Variants in CYP7B1 observed in about 807,000 individuals in gnomAD.
CYP7B1 encodes the protein cytochrome P450 family 7 subfamily B member 1, also known as cytochrome P450 7B1.
In CYP7B1, 29 loss-of-function variants were observed where a neutral mutation model predicts 42.7. The observed-to-expected ratio is 0.68, with a 90% confidence interval of 0.51 to 0.93. The LOEUF is 0.93. Ranked by LOEUF, CYP7B1 falls within the 40% of genes least tolerant of loss-of-function variation. The pLI is 0.00. For missense variants in CYP7B1, 655 were observed against 600.5 expected, an observed-to-expected ratio of 1.09 and a Z score of -0.95; for synonymous variants, 235 against 218.2, an observed-to-expected ratio of 1.08 and a Z score of -0.68.
intron 1 of CYP7B1, among the ~76,000 whole-genome samples, chr8:64,784,426 T>G (rs972250707): frequency 2.0e-5 from 3 of 152,168 alleles, no homozygotes; most frequent in African/African-American, 7.2e-5. Flanking sequence ...ATTTAATATT[T>G]ATAGTGAACT....
intron 5 of CYP7B1, among the ~76,000 whole-genome samples, chr8:64,600,514 A>T (rs1052743838): frequency 2.0e-5 from 3 of 152,080 alleles, no homozygotes; most frequent in Admixed American, 1.3e-4. Flanking sequence ...TAATAAAAAA[A>T]GTCAGTGTTT....
chr8:64,665,616 G>A (rs1287393199), intron 1 of CYP7B1, among the ~76,000 whole-genome samples: 2 of 108,740 alleles, frequency 1.8e-5, no homozygotes, highest in Non-Finnish European at 3.5e-5. Flanking sequence ...CACTCTTGTT[G>A]CCCAGGCTGG....
At position 64,649,858 on chromosome 8, in the gene CYP7B1, C is replaced by A. The variant is rs187199921; in HGVS notation, c.123-25319G>T. On this transcript the variant is annotated intron_variant, in intron 1 of 5. Coordinates refer to ENST00000310193, the MANE Select transcript of CYP7B1 (RefSeq NM_004820.5). ...TGTTTATTGGTCATTTGTATTTATT[C>A]TTTGGAGATATGTATATTCAAAGTT... Among the ~76,000 whole-genome samples, 173 of 152,186 alleles carry A rather than the reference C, an allele frequency of 1.1e-3. 1 individual carries two copies. Among genetic ancestry groups the A allele is most frequent in the Admixed American group, 2.9e-3 (44 of 15,286 alleles).
chr8:64,706,273 T>C (rs1201963451), intron 1 of CYP7B1, among the ~76,000 whole-genome samples: 1 of 152,010 alleles, frequency 6.6e-6, no homozygotes, highest in African/African-American at 2.4e-5. Flanking sequence ...ATGGTAAAAC[T>C]GACTACTAAG....
rs187991332 is a variant in CYP7B1 at position 64,593,889 on chromosome 8, A to G, written c.*2753T>C. On this transcript the variant is annotated 3_prime_UTR_variant, in exon 6 of 6. Coordinates refer to ENST00000310193, the MANE Select transcript of CYP7B1 (RefSeq NM_004820.5). ...AAAATAAGCAGCATATATGAAGAACAAAAGGGAATCGTAAAACTGAAAAAT... is the reference window on the plus strand; with the variant it reads ...AAAATAAGCAGCATATATGAAGAACGAAAGGGAATCGTAAAACTGAAAAAT... Among the ~76,000 whole-genome samples the G allele has an allele frequency of 2.2e-4, 34 of 152,348 alleles. No individual in the cohort carries two copies. The highest frequency in any genetic ancestry group is 3.4e-3 in the Middle Eastern group (1 of 294).
At chr8:64,604,326 C>G (rs1805244050) in intron 5 of CYP7B1, among the ~76,000 whole-genome samples, 1 of 152,196 alleles carries the variant, frequency 6.6e-6, no homozygotes, top group South Asian at 2.1e-4. Context: ...CATTTATTCT[C>G]TAAGCCACCT....
intron 1 of CYP7B1, among the ~76,000 whole-genome samples, chr8:64,791,649 C>T (rs1804620714): frequency 6.6e-6 from 1 of 152,142 alleles, no homozygotes; most frequent in Admixed American, 6.5e-5. Context: ...TTGACATTAG[C>T]CCAGGAGGAC....
intron 2 of CYP7B1, among the ~76,000 whole-genome samples, chr8:64,622,740 C>G (rs1391560139): frequency 1.3e-5 from 2 of 152,132 alleles, no homozygotes; most frequent in Non-Finnish European, 2.9e-5. Flanking sequence ...TCTAGATGTA[C>G]CAGTCCAGAG....
At chr8:64,736,562 T>G (rs1310653716) in intron 1 of CYP7B1, among the ~76,000 whole-genome samples, 1 of 152,176 alleles carries the variant, frequency 6.6e-6, no homozygotes. Context: ...GCAATTCTCC[T>G]GCCTTAGCCT....
At chr8:64,777,174 T>TAA (rs71561235) in intron 1 of CYP7B1, among the ~76,000 whole-genome samples, 107 of 113,102 alleles carry the variant, frequency 9.5e-4, no homozygotes, top group Admixed American at 1.6e-3. Context: ...GGTCATTTTG[T>TAA]AAAAAAAAAA....
intron 1 of CYP7B1, among the ~76,000 whole-genome samples, chr8:64,746,887 C>T (rs1256223046): frequency 6.6e-6 from 1 of 151,914 alleles, no homozygotes; most frequent in Non-Finnish European, 1.5e-5. Flanking sequence ...TAATCCCAAT[C>T]TGCATTTATA....
chr8:64,764,225 C>A (rs1207842681), intron 1 of CYP7B1, among the ~76,000 whole-genome samples: 3 of 24,596 alleles, frequency 1.2e-4, no homozygotes. Context: ...CCAGCTTCCA[C>A]GCTGCCCCCC....
At chr8:64,618,484 C>T (rs536704517) in intron 2 of CYP7B1, among the ~76,000 whole-genome samples, 41 of 152,136 alleles carry the variant, frequency 2.7e-4, no homozygotes, top group African/African-American at 8.7e-4. Flanking sequence ...CATGAGCTAC[C>T]TGTTATTGGG....
intron 1 of CYP7B1, among the ~76,000 whole-genome samples, chr8:64,702,821 A>G (rs1806937816): frequency 6.6e-6 from 1 of 152,086 alleles, no homozygotes; most frequent in Non-Finnish European, 1.5e-5. Context: ...CTAATGTATT[A>G]TCATCATTCT....
intron 1 of CYP7B1, among the ~76,000 whole-genome samples, chr8:64,643,442 G>A (rs1160127336): frequency 6.6e-6 from 1 of 152,142 alleles, no homozygotes. Flanking sequence ...AGAATGCTAA[G>A]GATCATCTGT....
chr8:64,670,292 A>G (rs1317359231), intron 1 of CYP7B1, among the ~76,000 whole-genome samples: 6 of 152,194 alleles, frequency 3.9e-5, no homozygotes, highest in African/African-American at 1.4e-4. Flanking sequence ...TTCCTCTTAC[A>G]TGTTTACATG....
At chr8:64,648,341 TC>T (rs1341514051) in intron 1 of CYP7B1, among the ~76,000 whole-genome samples, 58 of 152,228 alleles carry the variant, frequency 3.8e-4, no homozygotes, top group African/African-American at 1.4e-3. Context: ...GTATATCTGG[TC>T]CTCATATACC....
chr8:64,667,315 G>A (rs545603217), intron 1 of CYP7B1, among the ~76,000 whole-genome samples: 1 of 152,000 alleles, frequency 6.6e-6, no homozygotes, highest in South Asian at 2.1e-4. Flanking sequence ...CCCTCGGGGG[G>A]CTCATCCACC....
chr8:64,590,083 G>C (rs143445198), downstream of CYP7B1, among the ~76,000 whole-genome samples: 9 of 152,280 alleles, frequency 5.9e-5, no homozygotes, highest in East Asian at 1.7e-3. Context: ...ATTCTGGAAG[G>C]TTCTGCAAAT....
Sources: allele counts gnomAD v4.1 joint callset (sites outside exome capture counted in the v4.1 genomes callset), GRCh38; gene constraint gnomAD v4.1.1; transcripts MANE v1.5; gene names NCBI Gene and HGNC (gene_info 2026-07-23, HGNC 2026-07-21).